PREX1: variants seen among roughly 807,000 people sequenced by gnomAD.
PREX1 encodes phosphatidylinositol 3,4,5-trisphosphate-dependent Rac exchanger 1 protein.
In PREX1, 41 loss-of-function variants were observed where a neutral mutation model predicts 198.3. The ratio of observed to expected loss-of-function variants is 0.21; its 90% CI spans 0.16 to 0.27. The LOEUF (loss-of-function observed/expected upper bound fraction) is 0.27, where lower values mean the gene tolerates loss of function less well. Among genes scored for constraint, PREX1 ranks in the 10% least tolerant of loss-of-function variants. The pLI, the probability that PREX1 is intolerant of heterozygous loss-of-function variation, is 1.00. For synonymous variants in PREX1, 843 were observed against 887.2 expected (o/e 0.95, Z 0.89); for missense variants, 1,620 against 2,200.7 (o/e 0.74, Z 5.28).
chr20:48,659,233 A>AAAGGAAGGAAAGAAGGAAGGAAGG (rs1555832534), intron 16 of PREX1, among the ~76,000 whole-genome samples: 3 of 98,950 alleles, frequency 3.0e-5, no homozygotes, highest in Admixed American at 2.4e-4. Context: ...GAGAGAAAGA[A>AAAGGAAGGAAAGAAGGAAGGAAGG]AAGGAAGGAA....
intron 32 of PREX1, among the ~76,000 whole-genome samples, chr20:48,635,014 G>A (rs2089351177): frequency 6.6e-6 from 1 of 152,152 alleles, no homozygotes; most frequent in Non-Finnish European, 1.5e-5. Flanking sequence ...TCCTAGTAAA[G>A]TCACTGCCTC....
chr20:48,635,309 C>T (rs1178738409), intron 32 of PREX1, among the ~76,000 whole-genome samples: 3 of 152,176 alleles, frequency 2.0e-5, no homozygotes, highest in Non-Finnish European at 4.4e-5. Flanking sequence ...GTTCAAGGGT[C>T]CACCATCTCT....
chr20:48,692,449 A>G (rs2089824154), intron 8 of PREX1: 1 of 446,364 alleles, frequency 2.2e-6, no homozygotes, highest in African/African-American at 1.9e-5. Flanking sequence ...TAGGGGGAAG[A>G]AGGCATTGCA....
intron 1 of PREX1, among the ~76,000 whole-genome samples, chr20:48,772,378 G>A (rs2090240415): frequency 6.6e-6 from 1 of 152,216 alleles, no homozygotes. Flanking sequence ...TGGCAGCCCT[G>A]TTTCTGGTGA....
At chr20:48,730,879 C>T (rs192339697) in intron 4 of PREX1, among the ~76,000 whole-genome samples, 4 of 152,114 alleles carry the variant, frequency 2.6e-5, no homozygotes, top group East Asian at 3.9e-4. Flanking sequence ...ACACTATAGT[C>T]CCAGCTTCTC....
the PREX1 span, among the ~76,000 whole-genome samples, chr20:48,850,820 C>G: frequency 6.6e-6 from 1 of 152,080 alleles, no homozygotes; most frequent in Admixed American, 6.6e-5. Flanking sequence ...CCAGGAGCAC[C>G]CTTCCTCTGT....
the PREX1 span, among the ~76,000 whole-genome samples, chr20:48,862,218 A>AAAAAT: frequency 2.6e-5 from 4 of 152,174 alleles, no homozygotes; most frequent in Non-Finnish European, 5.9e-5. Flanking sequence ...CAACAAAAGA[A>AAAAAT]AAAATAAAAT....
chr20:48,818,440 C>T (rs1006862785), intron 1 of PREX1, among the ~76,000 whole-genome samples: 9 of 152,224 alleles, frequency 5.9e-5, no homozygotes, highest in African/African-American at 2.2e-4. Context: ...CTAAGGACTG[C>T]TTTTATGCTA....
At chr20:48,775,083 C>T (rs975034617) in intron 1 of PREX1, among the ~76,000 whole-genome samples, 2 of 152,208 alleles carry the variant, frequency 1.3e-5, no homozygotes, top group Non-Finnish European at 2.9e-5. Flanking sequence ...CCACCGCACA[C>T]GCTGCTCCTG....
the PREX1 span, among the ~76,000 whole-genome samples, chr20:48,882,013 T>C: frequency 6.6e-6 from 1 of 151,710 alleles, no homozygotes; most frequent in Non-Finnish European, 1.5e-5. Context: ...ATACAATATG[T>C]TTTTTATGAC....
chr20:48,796,305 TAAA>T (rs869122867), intron 1 of PREX1, among the ~76,000 whole-genome samples: 3 of 134,124 alleles, frequency 2.2e-5, no homozygotes, highest in Non-Finnish European at 3.3e-5. Context: ...TAATAATAAT[TAAA>T]AAAAAAAAAA....
chr20:48,695,595 A>AT (rs2089841273), intron 7 of PREX1, among the ~76,000 whole-genome samples: 1 of 152,182 alleles, frequency 6.6e-6, no homozygotes, highest in Non-Finnish European at 1.5e-5. Flanking sequence ...TTTATGTCTC[A>AT]TTTTGGCCAT....
Position 48,634,810 on chromosome 20 carries a change from T to G in PREX1, c.4168-35A>C, listed in dbSNP as rs1402664586. ...GAAGACAGCGCGGAGGAGTCTCAGATGCCAACCCTGCCCCAGGGTTTCCTA... is the reference window on the plus strand; with the variant it reads ...GAAGACAGCGCGGAGGAGTCTCAGAGGCCAACCCTGCCCCAGGGTTTCCTA... On this transcript the variant is annotated intron_variant, in intron 32 of 39. Coordinates refer to ENST00000371941, the MANE Select transcript of PREX1 (RefSeq NM_020820.4). 4 of 1,573,328 alleles carry G rather than the reference T, an allele frequency of 2.5e-6. No homozygotes were observed. The African/African-American group carries it at 4.0e-5, about 16-fold the overall frequency.
chr20:48,668,937 C>G (rs2089657696), intron 14 of PREX1, among the ~76,000 whole-genome samples: 1 of 152,176 alleles, frequency 6.6e-6, no homozygotes, highest in Admixed American at 6.5e-5. Flanking sequence ...ACAGTCCCAG[C>G]CTCCCCACAG....
chr20:48,691,047 G>A lies in PREX1; in HGVS notation c.1086C>T (p.His362=). 1 of 1,614,238 alleles carries A rather than the reference G, an allele frequency of 6.2e-7. No individual in the cohort carries two copies. Among genetic ancestry groups the A allele is most frequent in the Non-Finnish European group, 8.5e-7 (1 of 1,180,048 alleles). Residue 362 remains histidine, a synonymous_variant, in exon 9 of 40, where the codon CAC becomes CAT. Transcript: ENST00000371941. This position sits in a 1 kb window ranked among gnomAD's most constrained non-coding sequence, Gnocchi z 5.0. The part of the protein sequence containing the change: ...GYTVTNGWKI[H]NTAKNKWFVC... ...CAAACCACTTATTCTTGGCCGTGTTGTGGATCTTCCAGCCGTTGGTGACGG... is the reference window on the plus strand; with the variant it reads ...CAAACCACTTATTCTTGGCCGTGTTATGGATCTTCCAGCCGTTGGTGACGG...
intron 1 of PREX1, among the ~76,000 whole-genome samples, chr20:48,804,348 C>G (rs1381235453): frequency 1.3e-5 from 2 of 152,126 alleles, no homozygotes; most frequent in Non-Finnish European, 2.9e-5. Context: ...AAGAGGGAGA[C>G]AGAGGGGGAG....
At chr20:48,704,528 T>TTTCCTTCCTTCCTTTCC (rs1555836721) in intron 6 of PREX1, among the ~76,000 whole-genome samples, 10,739 of 150,960 alleles carry the variant, frequency 0.071, 471 homozygotes, top group East Asian at 0.15. Flanking sequence ...CCTTCCTTCC[T>TTTCCTTCCTTCCTTTCC]TTCCTTCCTT....
rs907964767 is a variant in PREX1, at chr20:48,625,825, G to A, written c.*60C>T. 20 of 1,494,436 alleles carry A rather than the reference G, an allele frequency of 1.3e-5. No homozygotes were observed. Among genetic ancestry groups the A allele is most frequent in the Non-Finnish European group, 1.8e-5 (20 of 1,109,150 alleles). The allele number at this position is 1,494,436 out of a possible 1,614,324, so 92.6% of individuals were successfully genotyped here. A position where few individuals can be genotyped will look rare whatever the true frequency, so the allele number is the denominator to read the frequency against. Reference sequence around the variant, plus strand: ...TCCCTGGAGAAGGCCAGCGCTGCCTGCTGTGTCCTCCCAAATCCCAGCTCC... The same window carrying A: ...TCCCTGGAGAAGGCCAGCGCTGCCTACTGTGTCCTCCCAAATCCCAGCTCC... On this transcript the variant is annotated 3_prime_UTR_variant, in exon 40 of 40. Transcript: ENST00000371941.
intron 3 of PREX1, among the ~76,000 whole-genome samples, chr20:48,738,284 G>A (rs914708680): frequency 6.6e-6 from 1 of 152,174 alleles, no homozygotes; most frequent in African/African-American, 2.4e-5. Flanking sequence ...GCAGGAGAGG[G>A]GGTAACAAGC....
Sources: gnomAD v4.1 joint callset for allele counts (sites outside exome capture counted in the v4.1 genomes callset) on GRCh38, gnomAD v4.1.1 for gene constraint, Gnocchi (gnomAD v3.1) non-coding constraint, MANE v1.5 for transcripts, NCBI Gene and HGNC (gene_info 2026-07-23, HGNC 2026-07-21) for gene names.